Variants in SH3BGRL2 observed in about 807,000 individuals in gnomAD.
SH3BGRL2 encodes the protein SH3 domain binding glutamate rich protein like 2.
SH3BGRL2 carries 21 observed loss-of-function variants against 14.8 expected under a neutral mutation model. The ratio of observed to expected loss-of-function variants is 1.42; its 90% CI spans 1.01 to 2.05. The LOEUF (loss-of-function observed/expected upper bound fraction) is 2.05. Among genes scored for constraint, SH3BGRL2 ranks in the 30% most tolerant of loss-of-function variants. SH3BGRL2 has a pLI of 0.00. For missense variants in SH3BGRL2, 147 were observed against 130.8 expected, an observed-to-expected ratio of 1.12 and a Z score of -0.61; for synonymous variants, 50 against 47.8, an observed-to-expected ratio of 1.05 and a Z score of -0.19.
the SH3BGRL2 span, among the ~76,000 whole-genome samples, chr6:79,555,487 A>G: frequency 6.6e-6 from 1 of 152,182 alleles, no homozygotes; most frequent in East Asian, 1.9e-4. Flanking sequence ...ACTTGGATGC[A>G]TAAACTTGGA....
chr6:79,598,846 G>A, the SH3BGRL2 span, among the ~76,000 whole-genome samples: 2 of 151,790 alleles, frequency 1.3e-5, no homozygotes, highest in Admixed American at 1.3e-4. Flanking sequence ...ACTTTGGGAG[G>A]CCGAGGTGGG....
the SH3BGRL2 span, among the ~76,000 whole-genome samples, chr6:79,620,459 C>T: frequency 1.3e-5 from 2 of 152,000 alleles, no homozygotes; most frequent in African/African-American, 2.4e-5. Flanking sequence ...TGCTTTAGCA[C>T]ATGCAGAATA....
the SH3BGRL2 span, among the ~76,000 whole-genome samples, chr6:79,598,509 A>C: frequency 6.6e-6 from 1 of 152,332 alleles, no homozygotes; most frequent in East Asian, 1.9e-4. Context: ...CCAGTCACAA[A>C]CAACCACATA....
intron 2 of SH3BGRL2, among the ~76,000 whole-genome samples, chr6:79,681,965 A>T (rs1050065264): frequency 1.4e-4 from 21 of 150,424 alleles, no homozygotes; most frequent in South Asian, 4.2e-4. Context: ...AAAAAAAAAA[A>T]TTTCACTTTA....
chr6:79,541,034 C>T, the SH3BGRL2 span, among the ~76,000 whole-genome samples: 2 of 152,140 alleles, frequency 1.3e-5, no homozygotes, highest in East Asian at 3.9e-4. Flanking sequence ...GGGCAGATCA[C>T]TTGAGGTGAG....
intron 1 of SH3BGRL2, among the ~76,000 whole-genome samples, chr6:79,647,785 G>A (rs944177637): frequency 1.3e-5 from 2 of 152,110 alleles, no homozygotes; most frequent in African/African-American, 4.8e-5. Context: ...CCAGTGGAAA[G>A]TTAAAAGACC....
rs773554244 is a variant in SH3BGRL2 at position 79,673,727 on chromosome 6, C to A, written c.159C>A (p.Val53=). ...EEQRQWMYKN[V]PPEKKPTQGN... Reference sequence around the variant, plus strand: ...AGAGGCAATGGATGTACAAAAACGTCCCCCCGGAAAAGAAACCCACTCAGG... The same window carrying A: ...AGAGGCAATGGATGTACAAAAACGTACCCCCGGAAAAGAAACCCACTCAGG... Residue 53 remains valine, a synonymous_variant, in exon 2 of 4, where the codon GTC becomes GTA. Coordinates refer to ENST00000369838, the MANE Select transcript of SH3BGRL2 (RefSeq NM_031469.4). 1 of 1,614,046 alleles carries A rather than the reference C, an allele frequency of 6.2e-7. No homozygotes were observed. The highest frequency in any genetic ancestry group is 8.5e-7 in the Non-Finnish European group (1 of 1,179,994).
chr6:79,649,983 T>TCACACA (rs370228264), intron 1 of SH3BGRL2, among the ~76,000 whole-genome samples: 28,950 of 131,246 alleles, frequency 0.22, 3,250 homozygotes, highest in South Asian at 0.38. Flanking sequence ...TCTCTCTCTC[T>TCACACA]CTCACACACA....
At chr6:79,602,930 G>A in the SH3BGRL2 span, among the ~76,000 whole-genome samples, 2,763 of 152,208 alleles carry the variant, frequency 0.018, 83 homozygotes, top group African/African-American at 0.063. Flanking sequence ...AGACAGAGTG[G>A]TTAGTAGAGG....
intron 1 of SH3BGRL2, among the ~76,000 whole-genome samples, chr6:79,634,822 A>C (rs927135953): frequency 1.3e-5 from 2 of 152,198 alleles, no homozygotes; most frequent in Non-Finnish European, 2.9e-5. Flanking sequence ...GCATTGCAGG[A>C]TGTCAGATAA....
At chr6:79,687,700 G>A (rs1304573385) in intron 2 of SH3BGRL2, among the ~76,000 whole-genome samples, 1 of 152,136 alleles carries the variant, frequency 6.6e-6, no homozygotes, top group African/African-American at 2.4e-5. Flanking sequence ...AGCAGCCACT[G>A]TTCATTTTAA....
chr6:79,674,046 G>C (rs969044327), intron 2 of SH3BGRL2, among the ~76,000 whole-genome samples: 7 of 152,032 alleles, frequency 4.6e-5, no homozygotes, highest in African/African-American at 1.7e-4. Flanking sequence ...TCTGAGCTCT[G>C]TCTTTGCTTT....
At chr6:79,607,900 C>T in the SH3BGRL2 span, among the ~76,000 whole-genome samples, 12 of 152,042 alleles carry the variant, frequency 7.9e-5, no homozygotes, top group Non-Finnish European at 1.3e-4. Context: ...GAGCCGAGAT[C>T]GCACCATTGC....
intron 1 of SH3BGRL2, among the ~76,000 whole-genome samples, chr6:79,648,290 TATA>T (rs1345896392): frequency 3.5e-5 from 2 of 56,870 alleles, no homozygotes; most frequent in Non-Finnish European, 7.0e-5. Context: ...ATATTTGACA[TATA>T]TTATATATAA....
At chr6:79,676,996 T>G (rs1348022065) in intron 2 of SH3BGRL2, among the ~76,000 whole-genome samples, 1 of 152,160 alleles carries the variant, frequency 6.6e-6, no homozygotes, top group Non-Finnish European at 1.5e-5. Flanking sequence ...GTGGTGGTGG[T>G]CACGACAGCT....
chr6:79,649,869 A>T (rs566152103), intron 1 of SH3BGRL2, among the ~76,000 whole-genome samples: 23 of 152,196 alleles, frequency 1.5e-4, no homozygotes, highest in South Asian at 8.3e-4. Flanking sequence ...TTCCTCGGGA[A>T]GTGTCTAGCA....
intron 2 of SH3BGRL2, among the ~76,000 whole-genome samples, chr6:79,675,881 C>G (rs1769871892): frequency 6.7e-6 from 1 of 149,346 alleles, no homozygotes. Flanking sequence ...GGTTATTTTT[C>G]TCAGGTGGGG....
chr6:79,688,725 T>C (rs1312217895), intron 2 of SH3BGRL2, among the ~76,000 whole-genome samples: 1 of 152,136 alleles, frequency 6.6e-6, no homozygotes, highest in African/African-American at 2.4e-5. Context: ...AAGCAGATTT[T>C]TTTATTTTAT....
chr6:79,584,603 A>G, the SH3BGRL2 span, among the ~76,000 whole-genome samples: 2 of 151,816 alleles, frequency 1.3e-5, no homozygotes, highest in Non-Finnish European at 2.9e-5. Context: ...GTAGGTCCCA[A>G]GGCCCATGTT....
Sources: gnomAD v4.1 joint callset for allele counts (sites outside exome capture counted in the v4.1 genomes callset) on GRCh38, gnomAD v4.1.1 for gene constraint, MANE v1.5 for transcripts, NCBI Gene and HGNC (gene_info 2026-07-23, HGNC 2026-07-21) for gene names.